The following TACC2 variants were observed in gnomAD, a reference collection of about 807,000 sequenced individuals.
The protein encoded by TACC2 is transforming acidic coiled-coil-containing protein 2.
Under a neutral mutation model 227.3 loss-of-function variants are expected in TACC2, and 137 were observed. The ratio of observed to expected loss-of-function variants is 0.60; its 90% CI spans 0.52 to 0.69. TACC2 has a LOEUF of 0.69. Among genes scored for constraint, TACC2 ranks in the 30% least tolerant of loss-of-function variants. The pLI, the probability that TACC2 is intolerant of heterozygous loss-of-function variation, is 0.00. For missense variants in TACC2, 3,470 were observed against 3,694.4 expected, an observed-to-expected ratio of 0.94 and a Z score of 1.57; for synonymous variants, 1,523 against 1,487.5, an observed-to-expected ratio of 1.02 and a Z score of -0.55.
intron 2 of TACC2, among the ~76,000 whole-genome samples, chr10:122,048,410 T>TC (rs2075288731): frequency 8.4e-6 from 1 of 118,610 alleles, no homozygotes; most frequent in African/African-American, 3.0e-5. Flanking sequence ...CCTTCCTCCC[T>TC]CCCTCCCTTC....
chr10:122,221,838 T>G (rs186241153), intron 11 of TACC2, among the ~76,000 whole-genome samples: 86 of 152,200 alleles, frequency 5.7e-4, no homozygotes, highest in Non-Finnish European at 1.1e-3. Flanking sequence ...ATCAGGCGAG[T>G]TGGCTTCCCT....
chr10:122,102,352 A>C (rs760302004), intron 5 of TACC2, among the ~76,000 whole-genome samples: 1 of 152,124 alleles, frequency 6.6e-6, no homozygotes, highest in African/African-American at 2.4e-5. Context: ...GATCAAACCA[A>C]CTCGGCTCTC....
intron 15 of TACC2, among the ~76,000 whole-genome samples, chr10:122,229,718 A>G (rs1420706484): frequency 1.3e-5 from 2 of 152,360 alleles, no homozygotes; most frequent in South Asian, 2.1e-4. Context: ...TCAATTTACA[A>G]ACTGGGCCCA....
chr10:122,161,201 G>A (rs191119345), intron 7 of TACC2, among the ~76,000 whole-genome samples: 145 of 152,294 alleles, frequency 9.5e-4, no homozygotes, highest in African/African-American at 3.4e-3. Flanking sequence ...CACCCCAAGT[G>A]CTGGGATTAC....
intron 2 of TACC2, among the ~76,000 whole-genome samples, chr10:122,048,975 A>T (rs138862805): frequency 6.6e-6 from 1 of 152,230 alleles, no homozygotes; most frequent in South Asian, 2.1e-4. Flanking sequence ...TAGAACTCAG[A>T]ATTTTTACTA....
rs553036262 is a variant in TACC2, at chr10:122,237,208, GATAGA to G, written c.8128-186_8128-182del. On this transcript the variant is annotated intron_variant, in intron 16 of 22. Coordinates refer to ENST00000369005, the MANE Select transcript of TACC2 (RefSeq NM_206862.4). The stretch of plus-strand genomic sequence containing the variant: ...TTGTCTGCCTGCCCAGGTGCAGAAT[GATAGA>G]TCTCCATCCATAGACTGGACTCGGC... Among the ~76,000 whole-genome samples the G allele has an allele frequency of 4.5e-3, 691 of 152,274 alleles. 3 individuals are homozygous for G. The highest frequency in any genetic ancestry group is 0.01 in the Middle Eastern group (3 of 294).
At chr10:122,028,089 T>TTTTTTTTTCTTTCTTTCTTTCTTTC in intron 2 of TACC2, among the ~76,000 whole-genome samples, 5 of 119,456 alleles carry the variant, frequency 4.2e-5, no homozygotes, top group African/African-American at 6.4e-5. Context: ...TCTTTCTTTT[T>TTTTTTTTTCTTTCTTTCTTTCTTTC]TTTTTTTTTT....
At chr10:121,995,405 C>T (rs1046977572) in intron 1 of TACC2, among the ~76,000 whole-genome samples, 16 of 152,158 alleles carry the variant, frequency 1.1e-4, no homozygotes, top group African/African-American at 3.9e-4. Context: ...ATACCCTGTT[C>T]CATAAAACAG....
intron 7 of TACC2, among the ~76,000 whole-genome samples, chr10:122,149,443 G>T (rs2139425555): frequency 6.6e-6 from 1 of 152,324 alleles, no homozygotes; most frequent in East Asian, 1.9e-4. Flanking sequence ...GCTGCAGACT[G>T]TGGCGGCTGT....
intron 17 of TACC2, 120 bp downstream of exon 17, chr10:122,237,658 T>C: frequency 1.6e-6 from 2 of 1,258,258 alleles, no homozygotes; most frequent in East Asian, 2.5e-5. Flanking sequence ...CAGGCAAAGA[T>C]GTGTGGCACA....
At chr10:122,239,088 C>T (rs1380600233) in intron 18 of TACC2, among the ~76,000 whole-genome samples, 1 of 152,136 alleles carries the variant, frequency 6.6e-6, no homozygotes, top group Non-Finnish European at 1.5e-5. Context: ...ACTATAACCT[C>T]CGCCTCCCGG....
At chr10:122,215,238 G>C (rs2095376372) in intron 9 of TACC2, among the ~76,000 whole-genome samples, 153 bp from the exon 10 acceptor site, 2 of 152,152 alleles carry the variant, frequency 1.3e-5, no homozygotes, top group South Asian at 4.1e-4. Flanking sequence ...TGGGTAGCCG[G>C]CGTGGCCTCT....
Position 122,210,585 on chromosome 10 carries a change from C to T in TACC2, c.6160C>T (p.Pro2054Ser), listed in dbSNP as rs750376265. 1 of 1,614,118 alleles carries T rather than the reference C, an allele frequency of 6.2e-7. No homozygotes were observed. Among genetic ancestry groups the T allele is most frequent in the Non-Finnish European group, 8.5e-7 (1 of 1,180,016 alleles). The change falls in exon 9 of 23, where the codon CCT (proline) becomes TCT (serine). Residue 2054 changes from proline (P) to serine (S), a missense_variant. Pro to Ser is a moderately conservative substitution (Grantham distance 74, BLOSUM62 -1). Coordinates refer to ENST00000369005, the MANE Select transcript of TACC2 (RefSeq NM_206862.4). This position sits in a 1 kb window ranked among gnomAD's most constrained non-coding sequence, Gnocchi z 4.6. The part of the protein sequence containing the change: ...ELVDTFQTLE[P>S]RASDAKNQEG... ...TGTGGATACCTTTCAGACCTTGGAG[C>T]CTCGTGCCTCAGACGCTAAGAATCA...
chr10:122,175,909 C>A (rs554225211), intron 7 of TACC2, among the ~76,000 whole-genome samples: 77 of 152,140 alleles, frequency 5.1e-4, no homozygotes, highest in African/African-American at 1.7e-3. Context: ...CATGGCAAAA[C>A]CCTGTTTCAA....
At chr10:122,020,602 G>A (rs1957213681) in intron 1 of TACC2, among the ~76,000 whole-genome samples, 1 of 152,164 alleles carries the variant, frequency 6.6e-6, no homozygotes, top group Non-Finnish European at 1.5e-5. Flanking sequence ...ACGCTATGAT[G>A]AAAACCATAT....
intron 7 of TACC2, chr10:122,163,360 A>G (rs570292137): frequency 1.9e-5 from 3 of 154,302 alleles, no homozygotes; most frequent in African/African-American, 7.4e-5. Context: ...CCCGACCACC[A>G]CGCCCCTCCT....
Position 122,088,488 on chromosome 10 carries a change from A to C in TACC2, c.5470A>C (p.Arg1824=). Residue 1824 remains arginine, a synonymous_variant, in exon 5 of 23, where the codon AGG becomes CGG. Coordinates refer to ENST00000369005, the MANE Select transcript of TACC2 (RefSeq NM_206862.4). ...CTTTTATTATCCCAGAGAGAGCCCC[A>C]GGCCTGGCCCATCCATGTTACCTTC... ...EELHTDRESP[R]PGPSMLPSVP... The C allele has an allele frequency of 2.5e-6, 4 of 1,612,578 alleles. No individual in the cohort carries two copies. Among genetic ancestry groups the C allele is most frequent in the Non-Finnish European group, 3.4e-6 (4 of 1,179,298 alleles).
In TACC2 at chr10:122,168,584, C is replaced by T. The variant is rs60117968; in HGVS notation, c.5834+24878C>T. ...CTGAAGGCAAATATATTCCGAGGTC[C>T]TCCAGGTAGCTACCAATCATCCAAG... is the stretch of plus-strand genomic sequence containing the variant. On this transcript the variant is annotated intron_variant, in intron 7 of 22. Transcript: ENST00000369005. Among the ~76,000 whole-genome samples, 1,460 of 152,252 alleles carry T rather than the reference C, an allele frequency of 9.6e-3. 24 individuals are homozygous for T. The highest frequency in any genetic ancestry group is 0.076 in the East Asian group (395 of 5,170).
rs77970208 is a variant in TACC2 at position 122,165,899 on chromosome 10, A to C, written c.5834+22193A>C. Among the ~76,000 whole-genome samples the C allele has an allele frequency of 8.8e-3, 1,341 of 152,222 alleles. 15 individuals carry two copies. Among genetic ancestry groups the C allele is most frequent in the African/African-American group, 0.03 (1,225 of 41,516 alleles). On this transcript the variant is annotated intron_variant, in intron 7 of 22. Transcript: ENST00000369005. Reference sequence around the variant, plus strand: ...TCTGCTCTCTGAATAACTGGGGCTTATTTTTCTAGTGCAGATGTGCTCTTT... The same window carrying C: ...TCTGCTCTCTGAATAACTGGGGCTTCTTTTTCTAGTGCAGATGTGCTCTTT...
Sources: allele counts gnomAD v4.1 joint callset (sites outside exome capture counted in the v4.1 genomes callset), GRCh38; gene constraint gnomAD v4.1.1; non-coding constraint Gnocchi (gnomAD v3.1); transcripts MANE v1.5; gene names NCBI Gene and HGNC (gene_info 2026-07-23, HGNC 2026-07-21).